The following GNLY variants were observed in gnomAD, a reference collection of about 807,000 sequenced individuals.
GNLY encodes the protein T-cell activation protein 519.
A neutral mutation model predicts 18.5 loss-of-function variants in GNLY; 15 were observed. The observed-to-expected ratio is 0.81, with a 90% CI of 0.54 to 1.25. GNLY has a LOEUF of 1.25. GNLY is among the 50% of genes most tolerant of loss of function. The probability of loss-of-function intolerance (pLI) is 0.00; values close to 1 mark genes in which losing one functional copy is unlikely to be tolerated. For missense variants in GNLY, 178 were observed against 186.9 expected, an observed-to-expected ratio of 0.95 and a Z score of 0.28; for synonymous variants, 77 against 74.9, an observed-to-expected ratio of 1.03 and a Z score of -0.14.
At chr2:85,696,538 C>CT (rs35724532) in intron 3 of GNLY, 8,343 of 144,680 alleles carry the variant, frequency 0.058, 270 homozygotes, top group African/African-American at 0.08. Flanking sequence ...TTGTCAAACC[C>CT]TTTTTTTTTT....
intron 3 of GNLY, chr2:85,697,161 G>A: frequency 4.7e-6 from 1 of 214,534 alleles, no homozygotes; most frequent in Non-Finnish European, 9.3e-6. Flanking sequence ...CCCCCAGCCA[G>A]GTCCTGGACC....
At chr2:85,695,497 G>T (rs914995267) in intron 2 of GNLY, 74 bp downstream of exon 2, 5 of 858,076 alleles carry the variant, frequency 5.8e-6, no homozygotes, top group Non-Finnish European at 9.8e-6. Context: ...CTGGGGTGAG[G>T]TCTGGAGCTC....
At chr2:85,695,179 G>A in intron 1 of GNLY, 141 bp from the exon 2 acceptor site, 6 of 811,598 alleles carry the variant, frequency 7.4e-6, no homozygotes, top group Non-Finnish European at 1.2e-5. Context: ...GGCAAAGCAT[G>A]TGGACAGGTA....
chr2:85,694,442 C>A lies in GNLY; in HGVS notation c.24C>A (p.Leu8=). ...CCATGGCTACCTGGGCCCTCCTGCT[C>A]CTTGCAGCCATGCTCCTGGGCAACC... The part of the protein sequence containing the change: MATWALL[L]LAAMLLGNPG... Residue 8 remains leucine, a synonymous_variant, in exon 1 of 5, where the codon CTC becomes CTA. Coordinates refer to ENST00000263863, the MANE Select transcript of GNLY (RefSeq NM_006433.5). 2 of 1,614,126 alleles carry A rather than the reference C, an allele frequency of 1.2e-6. No individual in the cohort carries two copies. Among genetic ancestry groups the A allele is most frequent in the Non-Finnish European group, 1.7e-6 (2 of 1,180,004 alleles).
intron 3 of GNLY, 94 bp from the exon 4 acceptor site, chr2:85,697,412 T>G: frequency 9.1e-7 from 1 of 1,093,046 alleles, no homozygotes; most frequent in East Asian, 2.4e-5. Context: ...TCGCACCCAG[T>G]ACTCCCATTG....
chr2:85,695,222 T>C (rs1315836616), intron 1 of GNLY, 98 bp from the exon 2 acceptor site: 16 of 926,058 alleles, frequency 1.7e-5, no homozygotes, highest in Non-Finnish European at 2.8e-5. Flanking sequence ...GCTCCTGTCC[T>C]AGGCCCTGGT....
At chr2:85,696,232 T>G (rs1223614445) in intron 3 of GNLY, 176 bp downstream of exon 3, 1 of 593,980 alleles carries the variant, frequency 1.7e-6, no homozygotes, top group African/African-American at 1.9e-5. Context: ...AGAGAACTTG[T>G]GAAATTGTGA....
chr2:85,695,432 T>C lies in GNLY; in HGVS notation c.156+9T>C. On this transcript the variant is annotated intron_variant, in intron 2 of 4. Transcript: ENST00000263863. ...CCCAGGAGGGCCCCCAGGTACGTGT[T>C]GGCTCTCTGCTCACCTGCCACAGTC... The C allele has an allele frequency of 6.5e-7, 1 of 1,527,184 alleles. No individual in the cohort carries two copies. Among genetic ancestry groups the C allele is most frequent in the East Asian group, 2.2e-5 (1 of 44,474 alleles). The allele number at this position is 1,527,184 out of a possible 1,614,324, so 94.6% of individuals were successfully genotyped here. A position where few individuals can be genotyped will look rare whatever the true frequency, so the allele number is the denominator to read the frequency against.
chr2:85,695,207 G>A (rs1247027267), intron 1 of GNLY, 113 bp from the exon 2 acceptor site: 1 of 861,270 alleles, frequency 1.2e-6, no homozygotes, highest in Non-Finnish European at 1.9e-6. Context: ...CCCCTGCAAG[G>A]CCCAGCTCCT....
At chr2:85,696,118 C>G in intron 3 of GNLY, 62 bp downstream of exon 3, 2 of 981,702 alleles carry the variant, frequency 2.0e-6, no homozygotes, top group Non-Finnish European at 3.2e-6. Context: ...AGCCTGTGAC[C>G]AGGTCGGGGA....
At position 85,695,022 on chromosome 2, in the gene GNLY, G is replaced by C. The variant is rs138864053; in HGVS notation, c.53-298G>C. On this transcript the variant is annotated intron_variant, in intron 1 of 4. Transcript: ENST00000263863. ...GTAAAAAAAGAAAATCCCTTGAAAG[G>C]AGATTGAGGGAAGTTTCTAGACAAA... is the stretch of plus-strand genomic sequence containing the variant. The C allele has an allele frequency of 5.3e-4, 840 of 1,575,618 alleles. 2 individuals carry two copies. The highest frequency in any genetic ancestry group is 4.5e-3 in the Middle Eastern group (27 of 6,006).
At chr2:85,695,160 C>T (rs1349600392) in intron 1 of GNLY, 160 bp from the exon 2 acceptor site, 6 of 847,394 alleles carry the variant, frequency 7.1e-6, no homozygotes, top group African/African-American at 1.7e-5. Flanking sequence ...TGGGTCAGAG[C>T]GGCTCCAGGG....
In GNLY at chr2:85,697,683, T is replaced by G; in HGVS notation, c.427+6T>G. 1 of 1,602,992 alleles carries G rather than the reference T, an allele frequency of 6.2e-7. No homozygotes were observed. Among genetic ancestry groups the G allele is most frequent in the Non-Finnish European group, 8.5e-7 (1 of 1,170,024 alleles). ...GTTGTGTATACCTTCTACAGGTGAG[T>G]GCAGAGGTGACAGCAGGGATACCTC... On this transcript the variant is annotated splice_donor_region_variant and intron_variant, in intron 4 of 4. Transcript: ENST00000263863.
chr2:85,697,362 T>C (rs1389144848), intron 3 of GNLY, 144 bp from the exon 4 acceptor site: 1 of 714,402 alleles, frequency 1.4e-6, no homozygotes, highest in Non-Finnish European at 2.4e-6. Flanking sequence ...GAGCCCCGTC[T>C]GTACAGTCTC....
At chr2:85,697,422 G>T (rs1573495446) in intron 3 of GNLY, 84 bp from the exon 4 acceptor site, 2 of 1,237,866 alleles carry the variant, frequency 1.6e-6, no homozygotes, top group East Asian at 4.6e-5. Flanking sequence ...TACTCCCATT[G>T]CTAGGGCTGC....
chr2:85,695,311 C>G lies in GNLY; in HGVS notation c.53-9C>G. On this transcript the variant is annotated splice_polypyrimidine_tract_variant and intron_variant, in intron 1 of 4. Coordinates refer to ENST00000263863, the MANE Select transcript of GNLY (RefSeq NM_006433.5). ...TGCGGAGGGGAAGCTGAAGTCTGGT[C>G]TTCCTCAGGTCTGGTCTTCTCTCGT... 1 of 1,585,658 alleles carries G rather than the reference C, an allele frequency of 6.3e-7. No homozygotes were observed. Among genetic ancestry groups the G allele is most frequent in the Non-Finnish European group, 8.7e-7 (1 of 1,153,962 alleles).
rs4240201 is a variant in GNLY, at chr2:85,698,544, G to A, written c.428-20G>A. 0.37 allele frequency: 602,964 copies of A among 1,610,280 alleles called. 117,499 individuals carry two copies. The highest frequency in any genetic ancestry group is 0.58 in the East Asian group (26,173 of 44,812). ...GGACCCACCACATCTGCCCACAGCT[G>A]GCTGTTCTCTCCTCTCCAGGTCCCC... On this transcript the variant is annotated intron_variant, in intron 4 of 4. Coordinates refer to ENST00000263863, the MANE Select transcript of GNLY (RefSeq NM_006433.5).
At chr2:85,695,235 C>A in intron 1 of GNLY, 85 bp from the exon 2 acceptor site, 1 of 998,008 alleles carries the variant, frequency 1.0e-6, no homozygotes, top group Non-Finnish European at 1.6e-6. Flanking sequence ...GCCCTGGTCA[C>A]CTCCTGGACT....
rs1221142225 is a variant in GNLY, at chr2:85,698,778, A to G, written c.*204A>G. On this transcript the variant is annotated 3_prime_UTR_variant, in exon 5 of 5. Coordinates refer to ENST00000263863, the MANE Select transcript of GNLY (RefSeq NM_006433.5). ...GCCGCAGCTGCTTCTTCTTTGGTGG[A>G]TTTGAGGGGTGGGTGTCAGTGGCAT... The G allele has an allele frequency of 1.3e-6, 2 of 1,505,208 alleles. No individual in the cohort carries two copies. Among genetic ancestry groups the G allele is most frequent in the Non-Finnish European group, 1.8e-6 (2 of 1,128,556 alleles). 93.2% of individuals were successfully genotyped at this position (1,505,208 alleles called of 1,614,324 possible). A position where few individuals can be genotyped will look rare whatever the true frequency, so the allele number is the denominator to read the frequency against.
Sources: allele counts gnomAD v4.1 joint callset, GRCh38; gene constraint gnomAD v4.1.1; transcripts MANE v1.5; gene names NCBI Gene and HGNC (gene_info 2026-07-23, HGNC 2026-07-21).